IPO9: variants seen among roughly 807,000 people sequenced by gnomAD.
IPO9 encodes importin-9.
A neutral mutation model predicts 128.6 loss-of-function variants in IPO9; 28 were observed. The observed-to-expected ratio is 0.22, with a 90% CI of 0.16 to 0.30. The LOEUF is 0.30. Among genes scored for constraint, IPO9 ranks in the 10% least tolerant of loss-of-function variants. IPO9 has a pLI of 1.00. For missense variants in IPO9, 935 were observed against 1,293.9 expected (o/e 0.72, Z 4.26); for synonymous variants, 455 against 475.8 (o/e 0.96, Z 0.57).
At position 201,869,687 on chromosome 1, in the gene IPO9, C is replaced by T; in HGVS notation, c.2102C>T (p.Thr701Ile). The T allele has an allele frequency of 6.2e-7, 1 of 1,614,182 alleles. No individual in the cohort carries two copies. The highest frequency in any genetic ancestry group is 8.5e-7 in the Non-Finnish European group (1 of 1,180,010). The change falls in exon 17 of 24, where the codon ACC (threonine) becomes ATC (isoleucine). Residue 701 changes from threonine (T) to isoleucine (I), a missense_variant. Around this residue, in one of 3 missense-constraint regions of IPO9, gnomAD observed 741 missense variants for 1,019.1 expected, o/e 0.73. Transcript: ENST00000361565. ...GCTTTCCCTGCTGTGGCACAGTGTA[C>T]CCTTCACACAGATGACAATGCCACC... is the stretch of plus-strand genomic sequence containing the variant. Reference protein sequence around the residue: ...CQAFPAVAQCTLHTDDNATMQ... With the variant: ...CQAFPAVAQCILHTDDNATMQ...
In IPO9 at chr1:201,882,801, G is replaced by A. The variant is rs954901939; in HGVS notation, c.*6747G>A. On this transcript the variant is annotated 3_prime_UTR_variant, in exon 24 of 24. Transcript: ENST00000361565. ...CTTGGTTCCCTCATCTGTAAAATAG[G>A]GAACTAATACCTACCTCACAGGATT... 7 of 152,610 alleles carry A rather than the reference G, an allele frequency of 4.6e-5. No individual in the cohort carries two copies. The highest frequency in any genetic ancestry group is 1.7e-4 in the African/African-American group (7 of 41,418). The allele number at this position is 152,610 out of a possible 1,614,324, so 9.5% of individuals were successfully genotyped here. A position where few individuals can be genotyped will look rare whatever the true frequency, so the allele number is the denominator to read the frequency against.
rs568120130 is a variant in IPO9 at position 201,882,207 on chromosome 1, G to A, written c.*6153G>A. ...AGCACTTTGGGAGGCCGAGGCAGGC[G>A]GACCACGACATCAAGAGTTCAAGAG... On this transcript the variant is annotated 3_prime_UTR_variant, in exon 24 of 24. Coordinates refer to ENST00000361565, the MANE Select transcript of IPO9 (RefSeq NM_018085.5). 1 of 152,082 alleles carries A rather than the reference G, an allele frequency of 6.6e-6. No individual in the cohort carries two copies. Among genetic ancestry groups the A allele is most frequent in the East Asian group, 1.9e-4 (1 of 5,172 alleles). 9.4% of individuals were successfully genotyped at this position (152,082 alleles called of 1,614,324 possible).
In IPO9 at chr1:201,858,535, A is replaced by G; in HGVS notation, c.1310A>G (p.Asn437Ser). The G allele has an allele frequency of 1.3e-6, 2 of 1,585,330 alleles. No homozygotes were observed. The highest frequency in any genetic ancestry group is 1.7e-6 in the Non-Finnish European group (2 of 1,165,348). The change falls in exon 12 of 24, where the codon AAC becomes AGC. Residue 437 changes from asparagine (N) to serine (S), a missense_variant. Asn to Ser is a conservative substitution (Grantham distance 46). Coordinates refer to ENST00000361565, the MANE Select transcript of IPO9 (RefSeq NM_018085.5). ...RHLQEAEQTKNSGTEHWWKIH... is the reference protein window; with the variant it reads ...RHLQEAEQTKSSGTEHWWKIH... ...TTACAAGAAGCTGAGCAAACCAAAA[A>G]CAGTGGCACTGAGCACTGGTAAGAG...
At chr1:201,842,439 A>T (rs1014430951) in intron 1 of IPO9, among the ~76,000 whole-genome samples, 7 of 152,044 alleles carry the variant, frequency 4.6e-5, no homozygotes, top group Non-Finnish European at 1.5e-5. Context: ...ACCCTGTCAG[A>T]GGGTGGGATG....
intron 1 of IPO9, among the ~76,000 whole-genome samples, chr1:201,834,032 C>T (rs1023154364): frequency 1.3e-5 from 2 of 152,078 alleles, no homozygotes; most frequent in East Asian, 3.9e-4. Flanking sequence ...AGTGATCCTC[C>T]TAAAGTGCTG....
intron 23 of IPO9, among the ~76,000 whole-genome samples, chr1:201,875,559 G>A (rs895191096): frequency 1.2e-4 from 18 of 150,780 alleles, no homozygotes; most frequent in African/African-American, 3.4e-4. Flanking sequence ...CACTGCACTC[G>A]AGCCTGGGCG....
chr1:201,832,889 A>G (rs979315395), intron 1 of IPO9, among the ~76,000 whole-genome samples: 3 of 152,228 alleles, frequency 2.0e-5, no homozygotes, highest in African/African-American at 7.2e-5. Context: ...TTATGGGGAA[A>G]GGACACAGGT....
chr1:201,830,034 T>C (rs1385032507), intron 1 of IPO9, among the ~76,000 whole-genome samples: 1 of 152,240 alleles, frequency 6.6e-6, no homozygotes, highest in African/African-American at 2.4e-5. Context: ...TCCTTTGTTT[T>C]TGATTCTTTG....
At chr1:201,847,445 T>C in intron 2 of IPO9, 105 bp downstream of exon 2, 1 of 1,348,432 alleles carries the variant, frequency 7.4e-7, no homozygotes, top group Non-Finnish European at 1.1e-6. Flanking sequence ...ACCTAGGATG[T>C]TGTGCCAGAT....
chr1:201,873,140 T>G lies in IPO9; in HGVS notation c.2710+179T>G, dbSNP rs112791514. On this transcript the variant is annotated intron_variant, in intron 20 of 23. Coordinates refer to ENST00000361565, the MANE Select transcript of IPO9 (RefSeq NM_018085.5). Reference sequence around the variant, plus strand: ...ATCAGAACATACGGTTTCTTCCTGTTGTGGAAAATGGACAAAAATAGGCCG... The same window carrying G: ...ATCAGAACATACGGTTTCTTCCTGTGGTGGAAAATGGACAAAAATAGGCCG... 1.7e-3 allele frequency among the ~76,000 whole-genome samples: 262 copies of G among 152,262 alleles called. 1 individual carries two copies. The highest frequency in any genetic ancestry group is 5.9e-3 in the African/African-American group (245 of 41,556).
chr1:201,855,299 A>C, intron 9 of IPO9, 117 bp downstream of exon 9: 1 of 638,174 alleles, frequency 1.6e-6, no homozygotes. Flanking sequence ...GTGTTTTCTA[A>C]TTCAGTTTAT....
chr1:201,836,141 A>C (rs1228668595), intron 1 of IPO9, among the ~76,000 whole-genome samples: 2 of 150,994 alleles, frequency 1.3e-5, no homozygotes, highest in African/African-American at 2.4e-5. Context: ...AAAAAAAAAA[A>C]AACAGACACC....
At chr1:201,864,607 A>G (rs556840480) in intron 14 of IPO9, among the ~76,000 whole-genome samples, 2 of 152,312 alleles carry the variant, frequency 1.3e-5, no homozygotes, top group South Asian at 4.1e-4. Flanking sequence ...TTTTATGGAA[A>G]TGTTTGCAGC....
chr1:201,835,184 C>T (rs1679902125), intron 1 of IPO9: 1 of 152,254 alleles, frequency 6.6e-6, no homozygotes, highest in South Asian at 2.1e-4. Flanking sequence ...CTCCAACAAT[C>T]CCTGTTCACA....
Position 201,857,077 on chromosome 1 carries a change from C to T in IPO9, c.1123-19C>T. The T allele has an allele frequency of 3.5e-6, 5 of 1,443,204 alleles. No individual in the cohort carries two copies. The Middle Eastern group carries it at 6.9e-4, about 200-fold the overall frequency. The allele number at this position is 1,443,204 out of a possible 1,614,324, so 89.4% of individuals were successfully genotyped here. On this transcript the variant is annotated intron_variant, in intron 10 of 23. Transcript: ENST00000361565. ...AATCAGATTGGCAGCATCACAAAGA[C>T]ATAACTTGATCTTTTCAGATTAAAG... is the stretch of plus-strand genomic sequence containing the variant.
chr1:201,840,852 G>T (rs1680023386), intron 1 of IPO9, among the ~76,000 whole-genome samples: 2 of 152,126 alleles, frequency 1.3e-5, no homozygotes, highest in South Asian at 4.1e-4. Context: ...CTGCTCATTT[G>T]TGTAAAAGAA....
intron 23 of IPO9, 110 bp from the exon 24 acceptor site, chr1:201,875,834 C>T (rs1680752228): frequency 5.5e-6 from 4 of 723,716 alleles, no homozygotes; most frequent in Non-Finnish European, 1.0e-5. Flanking sequence ...AGGGAGCTGG[C>T]ATTTGTCTAA....
At chr1:201,863,405 A>G in intron 13 of IPO9, 43 bp from the exon 14 acceptor site, 1 of 1,505,284 alleles carries the variant, frequency 6.6e-7, no homozygotes, top group Non-Finnish European at 9.0e-7. Flanking sequence ...AAGTAAAAGG[A>G]ATTTTCATTT....
rs757744754 is a variant in IPO9, at chr1:201,874,329, G to A, written c.2790G>A (p.Glu930=). The part of the protein sequence containing the change: ...LIINELSNVM[E]ANAARQATPA... ...TCAACGAGCTCTCCAACGTCATGGA[G>A]GCTAATGCCGCTCGCCAGGCCACTC... The change falls in exon 21 of 24, where the codon GAG becomes GAA. Residue 930 remains glutamate (E), a synonymous_variant. Coordinates refer to ENST00000361565, the MANE Select transcript of IPO9 (RefSeq NM_018085.5). 6.8e-6 allele frequency: 11 copies of A among 1,614,074 alleles called. No homozygotes were observed. Among genetic ancestry groups the A allele is most frequent in the East Asian group, 2.2e-5 (1 of 44,882 alleles).
Sources: allele counts gnomAD v4.1 joint callset (sites outside exome capture counted in the v4.1 genomes callset), GRCh38; gene constraint gnomAD v4.1.1; regional missense constraint gnomAD v4.1.1; transcripts MANE v1.5; gene names NCBI Gene and HGNC (gene_info 2026-07-23, HGNC 2026-07-21).